The following CTNNA2 variants were observed in gnomAD, a reference collection of about 807,000 sequenced individuals.
CTNNA2 encodes the protein catenin alpha 2.
CTNNA2 carries 42 observed loss-of-function variants against 101.0 expected under a neutral mutation model. That is an observed-to-expected ratio of 0.42 (90% confidence interval 0.32 to 0.54). The LOEUF (loss-of-function observed/expected upper bound fraction) is 0.54, where lower values mean the gene tolerates loss of function less well. Among genes scored for constraint, CTNNA2 ranks in the 20% least tolerant of loss-of-function variants. The probability of loss-of-function intolerance (pLI) is 0.14; values close to 1 mark genes in which losing one functional copy is unlikely to be tolerated. For missense variants in CTNNA2, 871 were observed against 1,223.1 expected, an observed-to-expected ratio of 0.71 and a Z score of 4.29; for synonymous variants, 450 against 456.4, an observed-to-expected ratio of 0.99 and a Z score of 0.18.
chr2:79,884,338 A>G (rs1353758231), intron 6 of CTNNA2, among the ~76,000 whole-genome samples: 1 of 152,098 alleles, frequency 6.6e-6, no homozygotes, highest in Non-Finnish European at 1.5e-5. Context: ...AAATTACCAT[A>G]TTGCCATATT....
intron 3 of CTNNA2, among the ~76,000 whole-genome samples, chr2:79,825,898 CT>C (rs1678399836): frequency 6.6e-6 from 1 of 152,082 alleles, no homozygotes; most frequent in Admixed American, 6.6e-5. Flanking sequence ...TAATGTACTG[CT>C]GTAAATATCA....
intron 2 of CTNNA2, among the ~76,000 whole-genome samples, chr2:79,722,167 C>G (rs1214860095): frequency 6.6e-6 from 1 of 152,146 alleles, no homozygotes. Context: ...GGTTCACGCT[C>G]TTTGTAAGGC....
rs1677827819 is a variant in CTNNA2, at chr2:79,369,648, C to T, written c.-317-4183C>T. Among the ~76,000 whole-genome samples the T allele has an allele frequency of 2.6e-5, 4 of 152,190 alleles. No homozygotes were observed. The South Asian group carries it at 8.3e-4, about 31-fold the overall frequency. ...GCTCACCCAACATAAATATCGCACACTCCTTGAAGAGCAACTTCTACTTTC... is the reference window on the plus strand; with the variant it reads ...GCTCACCCAACATAAATATCGCACATTCCTTGAAGAGCAACTTCTACTTTC... On this transcript the variant is annotated intron_variant, in intron 3 of 21. Transcript: ENST00000466387.
At chr2:79,403,545 C>G (rs1386940016) in intron 4 of CTNNA2, among the ~76,000 whole-genome samples, 1 of 151,740 alleles carries the variant, frequency 6.6e-6, no homozygotes, top group Non-Finnish European at 1.5e-5. Context: ...TGAAACAGAC[C>G]TAATCTAGAA....
chr2:79,827,307 G>A (rs1430886263), intron 3 of CTNNA2, among the ~76,000 whole-genome samples: 2 of 152,144 alleles, frequency 1.3e-5, no homozygotes, highest in East Asian at 3.9e-4. Context: ...CAAAGTGCTG[G>A]GATTACAGGA....
In CTNNA2 at chr2:79,982,295, A is replaced by AACAC. The variant is rs529112548; in HGVS notation, c.1056+72501_1056+72502insCACA. On this transcript the variant is annotated intron_variant, in intron 7 of 18. Transcript: ENST00000402739. ...TATATATAATATATATAACATATAT[A>AACAC]ACATATATAAAACATATATAACATA... Among the ~76,000 whole-genome samples, 17 of 140,670 alleles carry AACAC rather than the reference A, an allele frequency of 1.2e-4. No individual in the cohort carries two copies. The East Asian group carries it at 1.6e-3, about 14-fold the overall frequency. 92.3% of individuals were successfully genotyped at this position (140,670 alleles called of 152,430 possible).
intron 7 of CTNNA2, among the ~76,000 whole-genome samples, chr2:80,082,495 C>T (rs1699211884): frequency 6.6e-6 from 1 of 152,048 alleles, no homozygotes. Flanking sequence ...CATCTATTTG[C>T]CTGAAGTCCA....
intron 7 of CTNNA2, among the ~76,000 whole-genome samples, chr2:80,381,483 G>T (rs896224604): frequency 6.6e-6 from 1 of 152,138 alleles, no homozygotes; most frequent in Admixed American, 6.5e-5. Context: ...TTTTGGAGGG[G>T]GACATGAGAG....
At chr2:80,330,219 C>T (rs1459254940) in intron 7 of CTNNA2, among the ~76,000 whole-genome samples, 4 of 152,250 alleles carry the variant, frequency 2.6e-5, no homozygotes, top group African/African-American at 4.8e-5. Context: ...AAAGGTTTTA[C>T]ATATGTTCAC....
rs770039622 is a variant in CTNNA2, at chr2:80,545,071, C to A, written c.1380C>A (p.Pro460=). 1.2e-6 allele frequency: 2 copies of A among 1,613,780 alleles called. No individual in the cohort carries two copies. Among genetic ancestry groups the A allele is most frequent in the Non-Finnish European group, 8.5e-7 (1 of 1,179,820 alleles). ...MAATQIDSLC[P]QVINAALTLA... is the part of the protein sequence containing the mutation. Reference sequence around the variant, plus strand: ...CCACCCAGATTGACAGCCTGTGTCCCCAGGTAAGCCTCATTCACTTTGTTT... The same window carrying A: ...CCACCCAGATTGACAGCCTGTGTCCACAGGTAAGCCTCATTCACTTTGTTT... Residue 460 remains proline (P), a synonymous_variant, in exon 10 of 19, where the codon CCC becomes CCA. Coordinates refer to ENST00000402739, the MANE Select transcript of CTNNA2 (RefSeq NM_001282597.3).
chr2:79,399,067 A>G (rs1468368024), intron 4 of CTNNA2, among the ~76,000 whole-genome samples: 1 of 152,126 alleles, frequency 6.6e-6, no homozygotes, highest in Non-Finnish European at 1.5e-5. Context: ...TTCACTATTT[A>G]TGACAGCTCA....
At chr2:80,113,691 T>A (rs1701348643) in intron 7 of CTNNA2, among the ~76,000 whole-genome samples, 1 of 152,246 alleles carries the variant, frequency 6.6e-6, no homozygotes, top group Non-Finnish European at 1.5e-5. Context: ...ATCTGGCCCT[T>A]TACAGAAAAA....
intron 3 of CTNNA2, among the ~76,000 whole-genome samples, chr2:79,847,094 G>A (rs927814573): frequency 7.9e-5 from 12 of 152,046 alleles, no homozygotes; most frequent in Non-Finnish European, 1.5e-4. Context: ...TAGTTCTCAG[G>A]CAATGGCTAA....
chr2:80,323,926 G>T (rs1678978566), intron 7 of CTNNA2, among the ~76,000 whole-genome samples: 3 of 152,014 alleles, frequency 2.0e-5, no homozygotes, highest in African/African-American at 7.2e-5. Context: ...TAACATTAGT[G>T]GTATTTCAGT....
chr2:80,163,071 T>G, intron 7 of CTNNA2: 1 of 1,570,466 alleles, frequency 6.4e-7, no homozygotes, highest in East Asian at 2.2e-5. Context: ...AGATACTTCA[T>G]GTTTGAAATT....
At chr2:79,940,708 A>G (rs1349472847) in intron 7 of CTNNA2, among the ~76,000 whole-genome samples, 2 of 152,200 alleles carry the variant, frequency 1.3e-5, no homozygotes, top group Non-Finnish European at 2.9e-5. Flanking sequence ...CAACCTGTGG[A>G]CCATCATAGC....
intron 6 of CTNNA2, among the ~76,000 whole-genome samples, chr2:79,894,351 C>G (rs1684547733): frequency 6.6e-6 from 1 of 151,586 alleles, no homozygotes; most frequent in Non-Finnish European, 1.5e-5. Context: ...CAACTCCTTC[C>G]CTCTGTATTC....
intron 7 of CTNNA2, among the ~76,000 whole-genome samples, chr2:80,186,231 A>T (rs1457985458): frequency 6.6e-6 from 1 of 152,232 alleles, no homozygotes; most frequent in Non-Finnish European, 1.5e-5. Flanking sequence ...CTAGAGACAC[A>T]TTGCCTTATT....
At chr2:80,314,419 G>A (rs188859608) in intron 7 of CTNNA2, among the ~76,000 whole-genome samples, 19 of 152,294 alleles carry the variant, frequency 1.2e-4, no homozygotes, top group South Asian at 4.1e-4. Context: ...AGGATGGGGC[G>A]GAAGAAGTAG....
Sources: allele counts gnomAD v4.1 joint callset (sites outside exome capture counted in the v4.1 genomes callset), GRCh38; gene constraint gnomAD v4.1.1; transcripts MANE v1.5; gene names NCBI Gene and HGNC (gene_info 2026-07-23, HGNC 2026-07-21).